The following DLGAP1 variants were observed in gnomAD, a reference collection of about 807,000 sequenced individuals.
DLGAP1 encodes disks large-associated protein 1.
DLGAP1 carries 11 observed loss-of-function variants against 90.8 expected under a neutral mutation model. The ratio of observed to expected loss-of-function variants is 0.12; its 90% CI spans 0.08 to 0.20. The LOEUF is 0.20. Among genes scored for constraint, DLGAP1 ranks in the 10% least tolerant of loss-of-function variants. DLGAP1 has a pLI of 1.00. For synonymous variants in DLGAP1, 558 were observed against 540.7 expected (o/e 1.03, Z -0.44); for missense variants, 1,050 against 1,333.8 (o/e 0.79, Z 3.31).
intron 3 of DLGAP1, chr18:3,977,798 C>A: frequency 5.2e-6 from 2 of 382,586 alleles, no homozygotes; most frequent in South Asian, 4.3e-5. Flanking sequence ...CTGTTAAAGT[C>A]AGAGGCGACA....
At chr18:4,174,133 T>C (rs1291380137) in intron 1 of DLGAP1, among the ~76,000 whole-genome samples, 1 of 152,064 alleles carries the variant, frequency 6.6e-6, no homozygotes, top group East Asian at 1.9e-4. Context: ...TTCAGGGCAT[T>C]AGTCCTAGGT....
chr18:3,879,241 C>T lies in DLGAP1; in HGVS notation c.828G>A (p.Lys276=). 1 of 1,596,698 alleles carries T rather than the reference C, an allele frequency of 6.3e-7. No homozygotes were observed. Among genetic ancestry groups the T allele is most frequent in the Non-Finnish European group, 8.5e-7 (1 of 1,171,412 alleles). The change falls in exon 4 of 13, where the codon AAG becomes AAA. Residue 276 remains lysine, a synonymous_variant. Coordinates refer to ENST00000315677, the MANE Select transcript of DLGAP1 (RefSeq NM_004746.4). This position sits in a 1 kb window ranked among gnomAD's most constrained non-coding sequence, Gnocchi z 6.6. ...CGGTGAGCGTGGAGGACCAGGCGCTCTTCTTCAGCAGCGGGGTGTCCAGGC... is the reference window on the plus strand; with the variant it reads ...CGGTGAGCGTGGAGGACCAGGCGCTTTTCTTCAGCAGCGGGGTGTCCAGGC... The part of the protein sequence containing the change: ...PVSLDTPLLK[K]SAWSSTLTVS...
chr18:3,501,073 C>T (rs1448074236), intron 12 of DLGAP1, among the ~76,000 whole-genome samples: 1 of 151,978 alleles, frequency 6.6e-6, no homozygotes, highest in Admixed American at 6.6e-5. Flanking sequence ...TACCACCACG[C>T]CCAGCTAATT....
chr18:4,226,794 G>A (rs2078199853), intron 1 of DLGAP1, among the ~76,000 whole-genome samples: 2 of 150,528 alleles, frequency 1.3e-5, no homozygotes, highest in South Asian at 4.2e-4. Context: ...AAGAAAAGAA[G>A]GAAAAGAAGA....
At chr18:4,209,085 C>G (rs1444008935) in intron 1 of DLGAP1, among the ~76,000 whole-genome samples, 1 of 152,050 alleles carries the variant, frequency 6.6e-6, no homozygotes, top group Non-Finnish European at 1.5e-5. Flanking sequence ...GAGGGTGACT[C>G]CTTAAGAGTC....
intron 1 of DLGAP1, among the ~76,000 whole-genome samples, chr18:4,223,387 C>G (rs2078119391): frequency 6.6e-6 from 1 of 152,110 alleles, no homozygotes; most frequent in Non-Finnish European, 1.5e-5. Flanking sequence ...ATGTTTGAAA[C>G]CTTGTATTTC....
At chr18:4,231,617 T>TG (rs1835900359) in intron 1 of DLGAP1, among the ~76,000 whole-genome samples, 6 of 152,028 alleles carry the variant, frequency 3.9e-5, no homozygotes, top group Non-Finnish European at 8.8e-5. Flanking sequence ...TTTTCAGTTC[T>TG]ATTTTTTTTT....
rs529093726 is a variant in DLGAP1, at chr18:4,317,595, T to C, written c.-267+137411A>G. Among the ~76,000 whole-genome samples the C allele has an allele frequency of 2.0e-5, 3 of 152,336 alleles. No homozygotes were observed. The East Asian group carries it at 5.8e-4, about 29-fold the overall frequency. On this transcript the variant is annotated intron_variant, in intron 1 of 12. Coordinates refer to ENST00000315677, the MANE Select transcript of DLGAP1 (RefSeq NM_004746.4). ...ACAGTCACTCTTTCATGAATAACTGTTTCACTGAATTCAGATATTAAAAAG... is the reference window on the plus strand; with the variant it reads ...ACAGTCACTCTTTCATGAATAACTGCTTCACTGAATTCAGATATTAAAAAG...
At chr18:4,227,541 A>G (rs2078217399) in intron 1 of DLGAP1, among the ~76,000 whole-genome samples, 2 of 152,058 alleles carry the variant, frequency 1.3e-5, no homozygotes, top group Admixed American at 6.6e-5. Flanking sequence ...ATCAATAATG[A>G]GAAATTTTTA....
chr18:4,306,436 TGTG>T (rs2143371297), intron 1 of DLGAP1, among the ~76,000 whole-genome samples: 1 of 102,416 alleles, frequency 9.8e-6, no homozygotes, highest in South Asian at 2.6e-4. Flanking sequence ...AGTGTGTGTG[TGTG>T]TGTGTGTGTG....
rs1441775436 is a variant in DLGAP1, at chr18:3,749,043, AG to A, written c.1173-6532del. On this transcript the variant is annotated intron_variant, in intron 5 of 12. Coordinates refer to ENST00000315677, the MANE Select transcript of DLGAP1 (RefSeq NM_004746.4). ...ACTTTGAGAGATCACATAGTGTTGA[AG>A]GTAATTCCAATGGAAACTTGGCCTT... Among the ~76,000 whole-genome samples the A allele has an allele frequency of 2.0e-5, 3 of 152,190 alleles. No homozygotes were observed. In the East Asian group the frequency reaches 5.8e-4, roughly 29 times the overall value.
At chr18:3,548,207 A>G (rs1048005252) in intron 9 of DLGAP1, among the ~76,000 whole-genome samples, 10 of 152,216 alleles carry the variant, frequency 6.6e-5, no homozygotes, top group Admixed American at 2.0e-4. Context: ...AGTTAATGCC[A>G]CTGAATTGTA....
At chr18:3,628,141 G>T (rs1567860647) in intron 7 of DLGAP1, among the ~76,000 whole-genome samples, 1 of 150,380 alleles carries the variant, frequency 6.6e-6, no homozygotes, top group African/African-American at 2.4e-5. Context: ...CTCCCAAAGT[G>T]GTGGGATTAC....
intron 1 of DLGAP1, among the ~76,000 whole-genome samples, chr18:4,160,420 ACTT>A (rs2076825201): frequency 6.6e-6 from 1 of 152,184 alleles, no homozygotes; most frequent in African/African-American, 2.4e-5. Context: ...TATAAGCTTA[ACTT>A]CTGTTATAAG....
At chr18:4,287,591 G>C (rs766896630) in intron 1 of DLGAP1, among the ~76,000 whole-genome samples, 2 of 152,094 alleles carry the variant, frequency 1.3e-5, no homozygotes, top group African/African-American at 2.4e-5. Context: ...AGTAAAACAG[G>C]AACAGAAAAC....
At chr18:3,690,470 T>C (rs1319958884) in intron 7 of DLGAP1, among the ~76,000 whole-genome samples, 1 of 152,112 alleles carries the variant, frequency 6.6e-6, no homozygotes, top group African/African-American at 2.4e-5. Context: ...GGGATTCCAA[T>C]GACTTGGAGT....
At chr18:3,528,010 G>T (rs1368478041) in intron 10 of DLGAP1, among the ~76,000 whole-genome samples, 2 of 152,104 alleles carry the variant, frequency 1.3e-5, no homozygotes, top group Non-Finnish European at 2.9e-5. Flanking sequence ...TTTAAAAATT[G>T]GGATAATTCT....
chr18:3,628,015 A>G (rs2058367320), intron 7 of DLGAP1, among the ~76,000 whole-genome samples: 1 of 150,206 alleles, frequency 6.7e-6, no homozygotes, highest in Non-Finnish European at 1.5e-5. Flanking sequence ...AGTAGCTGGG[A>G]TTACAGGCGC....
At chr18:3,937,462 G>A (rs2072667377) in intron 3 of DLGAP1, among the ~76,000 whole-genome samples, 1 of 152,036 alleles carries the variant, frequency 6.6e-6, no homozygotes, top group Non-Finnish European at 1.5e-5. Flanking sequence ...ACAGTATGGG[G>A]GAACCTGCCC....
Sources: allele counts gnomAD v4.1 joint callset (sites outside exome capture counted in the v4.1 genomes callset), GRCh38; gene constraint gnomAD v4.1.1; non-coding constraint Gnocchi (gnomAD v3.1); transcripts MANE v1.5; gene names NCBI Gene and HGNC (gene_info 2026-07-23, HGNC 2026-07-21).